ROBO1: variants seen among roughly 807,000 people sequenced by gnomAD.
ROBO1 encodes roundabout homolog 1.
In ROBO1, 149 loss-of-function variants were observed where a neutral mutation model predicts 195.9. The observed-to-expected ratio is 0.76, with a 90% CI of 0.67 to 0.87. The LOEUF (loss-of-function observed/expected upper bound fraction) is 0.87. Among genes scored for constraint, ROBO1 ranks in the 40% least tolerant of loss-of-function variants. ROBO1 has a pLI of 0.00. For missense variants in ROBO1, 1,933 were observed against 2,068.3 expected (o/e 0.93, Z 1.27); for synonymous variants, 816 against 733.2 (o/e 1.11, Z -1.82).
chr3:79,295,291 C>T (rs1389416538), intron 2 of ROBO1, among the ~76,000 whole-genome samples: 1 of 152,082 alleles, frequency 6.6e-6, no homozygotes, highest in Non-Finnish European at 1.5e-5. Context: ...GAGTTCATGT[C>T]CTTTACAGGG....
chr3:78,744,634 T>C lies in ROBO1; in HGVS notation c.657+2109A>G, dbSNP rs571067823. ...TTAGGTATACCCCACCTTAGGGTTT[T>C]TCTATTTAATATTTTATCTGCCTAG... On this transcript the variant is annotated intron_variant, in intron 5 of 30. Coordinates refer to ENST00000464233, the MANE Select transcript of ROBO1 (RefSeq NM_002941.4). Among the ~76,000 whole-genome samples the C allele has an allele frequency of 3.9e-4, 59 of 152,344 alleles. 1 individual carries two copies. Among genetic ancestry groups the C allele is most frequent in the African/African-American group, 1.4e-3 (57 of 41,588 alleles).
intron 3 of ROBO1, among the ~76,000 whole-genome samples, chr3:79,117,147 G>T (rs1260391757): frequency 1.3e-5 from 2 of 151,860 alleles, no homozygotes; most frequent in Admixed American, 1.3e-4. Flanking sequence ...TGGGCGGATT[G>T]CCCGTAGCTC....
chr3:79,510,587 T>G (rs915490385), intron 2 of ROBO1, among the ~76,000 whole-genome samples: 1 of 150,414 alleles, frequency 6.6e-6, no homozygotes, highest in African/African-American at 2.5e-5. Context: ...AGTTGGAGGA[T>G]ATTTTAAACT....
At chr3:79,282,905 C>A (rs1282731515) in intron 2 of ROBO1, among the ~76,000 whole-genome samples, 1 of 151,910 alleles carries the variant, frequency 6.6e-6, no homozygotes, top group African/African-American at 2.4e-5. Flanking sequence ...AAATAAAATG[C>A]CAAAAATATA....
intron 2 of ROBO1, among the ~76,000 whole-genome samples, chr3:79,226,397 C>T (rs17016842): frequency 0.074 from 11,324 of 152,106 alleles, 619 homozygotes; most frequent in East Asian, 0.18. Flanking sequence ...CTCCTCTTAA[C>T]GGCACACCAA....
intron 2 of ROBO1, among the ~76,000 whole-genome samples, chr3:79,135,562 T>C (rs2080390240): frequency 1.3e-5 from 2 of 152,150 alleles, no homozygotes; most frequent in Non-Finnish European, 2.9e-5. Flanking sequence ...TAAGTGATAT[T>C]CAAATGGTTG....
chr3:78,656,422 C>T (rs573505898), intron 18 of ROBO1, among the ~76,000 whole-genome samples: 93 of 145,020 alleles, frequency 6.4e-4, no homozygotes, highest in African/African-American at 2.3e-3. Flanking sequence ...GTAATCTCGA[C>T]TCACTGCAAG....
intron 4 of ROBO1, among the ~76,000 whole-genome samples, chr3:78,897,862 A>T (rs1406481827): frequency 6.6e-6 from 1 of 151,998 alleles, no homozygotes; most frequent in Non-Finnish European, 1.5e-5. Flanking sequence ...CAACAAAGAG[A>T]TGTTCAGATT....
intron 4 of ROBO1, among the ~76,000 whole-genome samples, chr3:78,766,663 G>A (rs1195489148): frequency 1.3e-5 from 2 of 152,222 alleles, no homozygotes; most frequent in Admixed American, 6.5e-5. Context: ...TGTTGAAGAG[G>A]AATGGTGAGA....
chr3:78,661,068 G>A lies in ROBO1; in HGVS notation c.2282C>T (p.Ala761Val). 1 of 1,612,660 alleles carries A rather than the reference G, an allele frequency of 6.2e-7. No individual in the cohort carries two copies. Among genetic ancestry groups the A allele is most frequent in the Non-Finnish European group, 8.5e-7 (1 of 1,179,232 alleles). Residue 761 changes from alanine to valine, a missense_variant, in exon 16 of 31, where the codon GCA becomes GTA. Physicochemically the swap from Ala to Val is moderately conservative, Grantham distance 64 (BLOSUM62 0). Around this residue, in one of 3 missense-constraint regions of ROBO1, gnomAD observed 1,737 missense variants for 1,882.5 expected, o/e 0.92. Coordinates refer to ENST00000464233, the MANE Select transcript of ROBO1 (RefSeq NM_002941.4). ...TTTGGCAAACTTGATTTCACTATCT[G>A]CTCCTTGAAATTCATTAAAAAAAGG... is the stretch of plus-strand genomic sequence containing the variant. Reference protein sequence around the residue: ...ARPFFNEFQGADSEIKFAKTL... With the variant: ...ARPFFNEFQGVDSEIKFAKTL...
At chr3:79,669,011 C>T (rs1946554014) in intron 1 of ROBO1, among the ~76,000 whole-genome samples, 1 of 151,858 alleles carries the variant, frequency 6.6e-6, no homozygotes, top group African/African-American at 2.4e-5. Flanking sequence ...CTTTCTATCA[C>T]ATAGTGATAT....
chr3:79,144,536 G>A (rs770859995), intron 2 of ROBO1, among the ~76,000 whole-genome samples: 9 of 149,150 alleles, frequency 6.0e-5, no homozygotes, highest in Non-Finnish European at 7.4e-5. Flanking sequence ...TTATTCATAT[G>A]TGCATAGGAA....
At chr3:78,614,586 C>A in intron 28 of ROBO1, 62 bp downstream of exon 28, 1 of 1,565,560 alleles carries the variant, frequency 6.4e-7, no homozygotes, top group Non-Finnish European at 8.7e-7. Flanking sequence ...TTTGCTAGTC[C>A]TAGAGAGGCA....
Position 78,887,102 on chromosome 3 carries a change from T to C in ROBO1, c.499+51499A>G, listed in dbSNP as rs534210021. On this transcript the variant is annotated intron_variant, in intron 4 of 30. Coordinates refer to ENST00000464233, the MANE Select transcript of ROBO1 (RefSeq NM_002941.4). ...CCTTATTATGTCAATAATACTGTTC[T>C]TAGTATTGAAGAAAGAAATTAATAT... 2.6e-5 allele frequency among the ~76,000 whole-genome samples: 4 copies of C among 152,318 alleles called. No homozygotes were observed. In the South Asian group the frequency reaches 8.3e-4, roughly 32 times the overall value.
intron 2 of ROBO1, among the ~76,000 whole-genome samples, chr3:79,527,076 C>T (rs887672287): frequency 5.3e-5 from 8 of 152,004 alleles, no homozygotes; most frequent in Non-Finnish European, 7.4e-5. Flanking sequence ...TTATGGTTGT[C>T]TGGGAATATA....
chr3:78,916,630 A>G (rs190555784), intron 4 of ROBO1, among the ~76,000 whole-genome samples: 95 of 152,220 alleles, frequency 6.2e-4, no homozygotes, highest in South Asian at 1.4e-3. Context: ...TCTTTTATCA[A>G]TATTTCTTAC....
intron 4 of ROBO1, among the ~76,000 whole-genome samples, chr3:78,909,137 A>G (rs536972144): frequency 6.6e-6 from 1 of 151,828 alleles, no homozygotes; most frequent in African/African-American, 2.4e-5. Context: ...TGCGGAAATA[A>G]TGTTTAGCAT....
At chr3:78,758,733 T>C (rs1304404098) in intron 4 of ROBO1, among the ~76,000 whole-genome samples, 1 of 152,070 alleles carries the variant, frequency 6.6e-6, no homozygotes, top group African/African-American at 2.4e-5. Flanking sequence ...GTGTTTACAA[T>C]GGAGGAAATT....
intron 3 of ROBO1, among the ~76,000 whole-genome samples, chr3:79,032,919 A>C (rs1245788104): frequency 1.3e-5 from 2 of 152,080 alleles, no homozygotes; most frequent in Non-Finnish European, 2.9e-5. Flanking sequence ...GCTGGCTGGA[A>C]AATGAGAAAT....
Sources: allele counts gnomAD v4.1 joint callset (sites outside exome capture counted in the v4.1 genomes callset), GRCh38; gene constraint gnomAD v4.1.1; regional missense constraint gnomAD v4.1.1; transcripts MANE v1.5; gene names NCBI Gene and HGNC (gene_info 2026-07-23, HGNC 2026-07-21).